ARSJ: variants seen among roughly 807,000 people sequenced by gnomAD.
ARSJ encodes the protein arylsulfatase J.
Under a neutral mutation model 35.9 loss-of-function variants are expected in ARSJ, and 26 were observed. The observed-to-expected ratio is 0.72, with a 90% CI of 0.53 to 1.00. The LOEUF (loss-of-function observed/expected upper bound fraction) is 1.00, where lower values mean the gene tolerates loss of function less well. Ranked by LOEUF, ARSJ falls within the 50% of genes least tolerant of loss-of-function variation. The pLI is 0.00. For synonymous variants in ARSJ, 294 were observed against 267.6 expected, an observed-to-expected ratio of 1.10 and a Z score of -0.96; for missense variants, 667 against 723.6, an observed-to-expected ratio of 0.92 and a Z score of 0.90.
At chr4:113,903,794 C>T (rs189298132) in intron 1 of ARSJ, 119 bp from the exon 2 acceptor site, 3 of 1,319,012 alleles carry the variant, frequency 2.3e-6, no homozygotes, top group African/African-American at 3.0e-5. Flanking sequence ...TATAATTGAC[C>T]CCAATGATAA....
At chr4:113,959,140 G>C (rs1726382882) in intron 1 of ARSJ, among the ~76,000 whole-genome samples, 1 of 152,004 alleles carries the variant, frequency 6.6e-6, no homozygotes. Context: ...TCAGGCAAAT[G>C]TGAAATTAAG....
intron 1 of ARSJ, among the ~76,000 whole-genome samples, chr4:113,957,204 G>T (rs1351796118): frequency 1.3e-5 from 2 of 151,992 alleles, no homozygotes; most frequent in African/African-American, 4.8e-5. Context: ...AGGAATAAAG[G>T]CTTCAATGTG....
chr4:113,949,789 A>G (rs899328977), intron 1 of ARSJ, among the ~76,000 whole-genome samples: 5 of 152,124 alleles, frequency 3.3e-5, no homozygotes, highest in Non-Finnish European at 4.4e-5. Context: ...AAAAGAGTGA[A>G]AACTGATGAT....
rs576844965 is a variant in ARSJ, at chr4:113,954,515, C to T, written c.398+23922G>A. ...CAAATACCTGGAAAGCCCTGTATTTCGAAAACTTGAAATTTCATTCTAATT... is the reference window on the plus strand; with the variant it reads ...CAAATACCTGGAAAGCCCTGTATTTTGAAAACTTGAAATTTCATTCTAATT... On this transcript the variant is annotated intron_variant, in intron 1 of 1. Transcript: ENST00000315366. Among the ~76,000 whole-genome samples the T allele has an allele frequency of 9.2e-5, 14 of 152,104 alleles. No individual in the cohort carries two copies. In the South Asian group the frequency reaches 1.7e-3, roughly 18 times the overall value.
intron 1 of ARSJ, among the ~76,000 whole-genome samples, chr4:113,961,513 G>A (rs1020908134): frequency 2.0e-5 from 3 of 152,022 alleles, no homozygotes; most frequent in African/African-American, 7.2e-5. Context: ...TGTCTGCACA[G>A]CTGTTAACTC....
intron 1 of ARSJ, among the ~76,000 whole-genome samples, chr4:113,909,208 TC>T (rs888752848): frequency 6.6e-6 from 1 of 152,160 alleles, no homozygotes; most frequent in African/African-American, 2.4e-5. Flanking sequence ...GGTGGATAGT[TC>T]AACTCCTCTC....
intron 1 of ARSJ, among the ~76,000 whole-genome samples, chr4:113,932,496 C>T (rs1460612657): frequency 6.6e-6 from 1 of 151,866 alleles, no homozygotes; most frequent in African/African-American, 2.4e-5. Context: ...CAGTAGAAAT[C>T]GTATCAAATA....
chr4:113,931,689 T>C (rs1724462764), intron 1 of ARSJ, among the ~76,000 whole-genome samples: 1 of 152,042 alleles, frequency 6.6e-6, no homozygotes, highest in Non-Finnish European at 1.5e-5. Flanking sequence ...GTCAAGGGGC[T>C]CAGGGTATTT....
At chr4:113,913,654 T>C (rs1055694448) in intron 1 of ARSJ, among the ~76,000 whole-genome samples, 1 of 152,300 alleles carries the variant, frequency 6.6e-6, no homozygotes, top group African/African-American at 2.4e-5. Context: ...CAAGGATACA[T>C]ACACTCCATA....
Position 113,902,723 on chromosome 4 carries a change from C to T in ARSJ, c.1351G>A (p.Val451Met), listed in dbSNP as rs2099667518. Reference sequence around the variant, plus strand: ...CCTGTAAGCAATTTCCAGTGCTGCACTCTGATGGCTGACTGGATTGCAGTG... The same window carrying T: ...CCTGTAAGCAATTTCCAGTGCTGCATTCTGATGGCTGACTGGATTGCAGTG... ...WNTAIQSAIR[V>M]QHWKLLTGNP... Residue 451 changes from valine to methionine, a missense_variant, in exon 2 of 2, where the codon GTG (valine) becomes ATG (methionine). Coordinates refer to ENST00000315366, the MANE Select transcript of ARSJ (RefSeq NM_024590.4). 1 of 1,614,106 alleles carries T rather than the reference C, an allele frequency of 6.2e-7. No individual in the cohort carries two copies. The highest frequency in any genetic ancestry group is 2.2e-5 in the East Asian group (1 of 44,902).
rs1219839349 is a variant in ARSJ at position 113,903,091 on chromosome 4, T to G, written c.983A>C (p.Asn328Thr). Residue 328 changes from asparagine (N) to threonine (T), a missense_variant, in exon 2 of 2, where the codon AAT becomes ACT. Physicochemically the swap from Asn to Thr is moderately conservative, Grantham distance 65. Transcript: ENST00000315366. ...CCCTCCTGCCGTAGGCTGGCCACCA[T>G]TATCTGAAGAGTAAATGATAATGCT... ...NNSIIIYSSD[N>T]GGQPTAGGSN... 1 of 1,614,124 alleles carries G rather than the reference T, an allele frequency of 6.2e-7. No individual in the cohort carries two copies. The highest frequency in any genetic ancestry group is 8.5e-7 in the Non-Finnish European group (1 of 1,180,052).
chr4:113,918,937 C>T (rs1166476834), intron 1 of ARSJ, among the ~76,000 whole-genome samples: 19 of 151,966 alleles, frequency 1.3e-4, no homozygotes, highest in Admixed American at 1.1e-3. Context: ...ATACTAAGCG[C>T]GCATGTCGCC....
In ARSJ at chr4:113,902,568, T is replaced by C. The variant is rs752170847; in HGVS notation, c.1506A>G (p.Pro502=). The C allele has an allele frequency of 1.9e-6, 3 of 1,614,170 alleles. No individual in the cohort carries two copies. The highest frequency in any genetic ancestry group is 2.5e-6 in the Non-Finnish European group (3 of 1,180,022). Reference sequence around the variant, plus strand: ...TGTTAGATAGGTCCACCCTCTCATATGGGTCGGCTGTGATGTTGAAAAGCC... The same window carrying C: ...TGTTAGATAGGTCCACCCTCTCATACGGGTCGGCTGTGATGTTGAAAAGCC... ...SVWLFNITAD[P]YERVDLSNRY... Residue 502 remains proline, a synonymous_variant, in exon 2 of 2, where the codon CCA becomes CCG. Transcript: ENST00000315366.
rs550350028 is a variant in ARSJ, at chr4:113,929,196, C to A, written c.399-25521G>T. ...TATAAATTAAAGAACTCAAAAAGTT[C>A]TTTTTGAGTGTAGAGCATCTCCTCA... On this transcript the variant is annotated intron_variant, in intron 1 of 1. Transcript: ENST00000315366. Among the ~76,000 whole-genome samples, 8 of 152,194 alleles carry A rather than the reference C, an allele frequency of 5.3e-5. No homozygotes were observed. The East Asian group carries it at 1.5e-3, about 29-fold the overall frequency.
At chr4:113,924,078 T>TATAA (rs1723886419) in intron 1 of ARSJ, among the ~76,000 whole-genome samples, 2 of 124,228 alleles carry the variant, frequency 1.6e-5, no homozygotes, top group African/African-American at 3.3e-5. Flanking sequence ...TATATATAAA[T>TATAA]ATATATATAT....
chr4:113,935,351 C>T (rs942527686), intron 1 of ARSJ, among the ~76,000 whole-genome samples: 1 of 151,872 alleles, frequency 6.6e-6, no homozygotes, highest in Non-Finnish European at 1.5e-5. Context: ...ATATAGTAAA[C>T]ATTTATTGAG....
rs758842191 is a variant in ARSJ, at chr4:113,978,490, G to A, written c.345C>T (p.Asn115=). The change falls in exon 1 of 2, where the codon AAC becomes AAT. Residue 115 remains asparagine, a synonymous_variant. Coordinates refer to ENST00000315366, the MANE Select transcript of ARSJ (RefSeq NM_024590.4). The stretch of plus-strand genomic sequence containing the variant: ...GTGTGCAAATAGGCTGGACATAGTA[G>A]TTCTCCAGTTTAACTCCTTCGGCAG... The part of the protein sequence containing the change: ...KLAAEGVKLE[N]YYVQPICTPS... 1.2e-6 allele frequency: 2 copies of A among 1,614,066 alleles called. No individual in the cohort carries two copies. The highest frequency in any genetic ancestry group is 4.5e-5 in the East Asian group (2 of 44,890).
At chr4:113,920,105 G>C (rs1328387378) in intron 1 of ARSJ, among the ~76,000 whole-genome samples, 1 of 152,072 alleles carries the variant, frequency 6.6e-6, no homozygotes, top group Non-Finnish European at 1.5e-5. Context: ...TAGGACCTTA[G>C]AGCTGACAGT....
chr4:113,911,566 G>T (rs765533779), intron 1 of ARSJ, among the ~76,000 whole-genome samples: 12 of 152,046 alleles, frequency 7.9e-5, no homozygotes, highest in Non-Finnish European at 1.5e-4. Context: ...ACATTTGATA[G>T]GGTTACAGAC....
Sources: allele counts gnomAD v4.1 joint callset (sites outside exome capture counted in the v4.1 genomes callset), GRCh38; gene constraint gnomAD v4.1.1; transcripts MANE v1.5; gene names NCBI Gene and HGNC (gene_info 2026-07-23, HGNC 2026-07-21).